Variants in MTA3 observed in about 807,000 individuals in gnomAD.
The protein encoded by MTA3 is metastasis associated 1 family member 3.
Under a neutral mutation model 83.5 loss-of-function variants are expected in MTA3, and 34 were observed. The observed-to-expected ratio is 0.41, with a 90% CI of 0.31 to 0.54. The LOEUF (loss-of-function observed/expected upper bound fraction) is 0.54. MTA3 is among the 20% of genes least tolerant of loss of function. The probability of loss-of-function intolerance (pLI) is 0.33; values close to 1 mark genes in which losing one functional copy is unlikely to be tolerated. For synonymous variants in MTA3, 303 were observed against 252.7 expected (o/e 1.20, Z -1.89); for missense variants, 761 against 726.4 (o/e 1.05, Z -0.55).
intron 2 of MTA3, among the ~76,000 whole-genome samples, chr2:42,517,730 T>C (rs529270622): frequency 6.6e-6 from 1 of 150,414 alleles, no homozygotes; most frequent in East Asian, 2.0e-4. Context: ...ATACACAAAT[T>C]AGCCAGGTGT....
intron 8 of MTA3, among the ~76,000 whole-genome samples, chr2:42,673,239 G>A (rs1050192916): frequency 1.3e-5 from 2 of 152,042 alleles, no homozygotes; most frequent in Admixed American, 6.6e-5. Flanking sequence ...AAAAAAGAAT[G>A]TGGTTATTAA....
At position 42,555,539 on chromosome 2, in the gene MTA3, T is replaced by C. The variant is rs571190537; in HGVS notation, c.-140-14898T>C. ...ACTTTGGGAGGCCGAGGTGGGCAGA[T>C]CACGAGGTCAGGAGATCGAGACCAT... On this transcript the variant is annotated intron_variant, in intron 2 of 17. Transcript: ENST00000405592. Among the ~76,000 whole-genome samples, 75 of 141,410 alleles carry C rather than the reference T, an allele frequency of 5.3e-4. 2 individuals are homozygous for C. The highest frequency in any genetic ancestry group is 4.7e-3 in the Admixed American group (64 of 13,724). The allele number at this position is 141,410 out of a possible 152,430, so 92.8% of individuals were successfully genotyped here.
At chr2:42,520,293 A>G (rs1426225063) in intron 2 of MTA3, among the ~76,000 whole-genome samples, 1 of 152,100 alleles carries the variant, frequency 6.6e-6, no homozygotes, top group African/African-American at 2.4e-5. Flanking sequence ...CCAATTGTCC[A>G]GAGGACCTCT....
Position 42,722,903 on chromosome 2 carries a change from A to G in MTA3, c.1627A>G (p.Lys543Glu). Reference protein sequence around the residue: ...IIGYLEIHPAKKPNVIRSTPS... With the variant: ...IIGYLEIHPAEKPNVIRSTPS... ...TCCCCCATCAGAGATCCATCCTGCA[A>G]AGAAACCTAATGTAATTCGATCTAC... is the stretch of plus-strand genomic sequence containing the variant. The change falls in exon 16 of 17, where the codon AAG becomes GAG. Residue 543 changes from lysine to glutamate, a missense_variant. By Grantham distance (56) the Lys-to-Glu change is moderately conservative. Coordinates refer to ENST00000405094, the MANE Select transcript of MTA3 (RefSeq NM_001330442.2). The G allele has an allele frequency of 1.3e-6, 2 of 1,547,082 alleles. No homozygotes were observed. Among genetic ancestry groups the G allele is most frequent in the South Asian group, 2.4e-5 (2 of 83,736 alleles).
chr2:42,655,501 C>G (rs1012513221), intron 6 of MTA3, among the ~76,000 whole-genome samples: 1 of 152,190 alleles, frequency 6.6e-6, no homozygotes, highest in African/African-American at 2.4e-5. Context: ...CTCTACTCTT[C>G]AGATTCTTAT....
intron 2 of MTA3, among the ~76,000 whole-genome samples, chr2:42,577,498 T>G (rs1388769445): frequency 6.6e-6 from 1 of 151,698 alleles, no homozygotes; most frequent in Non-Finnish European, 1.5e-5. Flanking sequence ...TTTTTTTTTT[T>G]GAGACGGATT....
At chr2:42,704,008 T>G (rs1665845796) in intron 11 of MTA3, 186 bp from the exon 12 acceptor site, 2 of 573,902 alleles carry the variant, frequency 3.5e-6, no homozygotes, top group South Asian at 4.6e-5. Flanking sequence ...TTTCATAGAC[T>G]CGTTTTATAA....
chr2:42,696,671 C>T (rs757937742), intron 10 of MTA3, among the ~76,000 whole-genome samples: 9 of 151,950 alleles, frequency 5.9e-5, no homozygotes, highest in Non-Finnish European at 1.3e-4. Flanking sequence ...TTTGGGAGGC[C>T]GAGGCAGGAG....
intron 4 of MTA3, among the ~76,000 whole-genome samples, chr2:42,638,260 A>C (rs1687375284): frequency 6.6e-6 from 1 of 152,168 alleles, no homozygotes; most frequent in Non-Finnish European, 1.5e-5. Context: ...TATTAAGCAT[A>C]TTGCATGTGT....
intron 8 of MTA3, among the ~76,000 whole-genome samples, chr2:42,663,795 T>A (rs1443751609): frequency 6.6e-6 from 1 of 152,218 alleles, no homozygotes; most frequent in Non-Finnish European, 1.5e-5. Context: ...AATACTTGCC[T>A]CTTATGCTCC....
rs747267170 is a variant in MTA3, at chr2:42,695,756, T to G, written c.892-9T>G. 3.3e-6 allele frequency: 5 copies of G among 1,533,236 alleles called. No homozygotes were observed. The highest frequency in any genetic ancestry group is 4.4e-6 in the Non-Finnish European group (5 of 1,133,924). 95.0% of individuals were successfully genotyped at this position (1,533,236 alleles called of 1,614,324 possible). A position where few individuals can be genotyped will look rare whatever the true frequency, so the allele number is the denominator to read the frequency against. On this transcript the variant is annotated splice_polypyrimidine_tract_variant and intron_variant, in intron 9 of 16. Transcript: ENST00000405094. ...ACATAGATGATAGGTTGATTTTTTT[T>G]TTTTTCAGCTTCCTTGGAAATCATT...
intron 2 of MTA3, among the ~76,000 whole-genome samples, chr2:42,534,773 CCTAA>C (rs1676141076): frequency 6.6e-6 from 1 of 152,080 alleles, no homozygotes; most frequent in Non-Finnish European, 1.5e-5. Context: ...TGCCACTGAA[CCTAA>C]CTATTAGCGT....
intron 8 of MTA3, among the ~76,000 whole-genome samples, chr2:42,674,617 T>G (rs1691162526): frequency 1.8e-5 from 2 of 108,522 alleles, no homozygotes; most frequent in African/African-American, 7.2e-5. Flanking sequence ...TTTTTTTTTT[T>G]GAGACGGAGT....
At chr2:42,495,449 A>G (rs1305917115) in intron 2 of MTA3, among the ~76,000 whole-genome samples, 1 of 152,124 alleles carries the variant, frequency 6.6e-6, no homozygotes, top group African/African-American at 2.4e-5. Flanking sequence ...TTTGCTATTT[A>G]GTGTCTACTG....
intron 2 of MTA3, among the ~76,000 whole-genome samples, chr2:42,548,859 A>AT (rs1449124929): frequency 3.0e-3 from 65 of 21,974 alleles, no homozygotes; most frequent in Middle Eastern, 0.031. Context: ...ATATATATAT[A>AT]ATATATATAT....
At chr2:42,522,664 G>T (rs7575116) in intron 2 of MTA3, among the ~76,000 whole-genome samples, 2,727 of 152,042 alleles carry the variant, frequency 0.018, 63 homozygotes, top group African/African-American at 0.062. Context: ...GAGTATGGTG[G>T]TGTGTACCTG....
intron 2 of MTA3, among the ~76,000 whole-genome samples, chr2:42,523,259 T>G (rs529358988): frequency 4.9e-4 from 74 of 152,276 alleles, no homozygotes; most frequent in African/African-American, 1.7e-3. Context: ...CCACTCTCCC[T>G]TTCTTCCTGA....
Position 42,707,825 on chromosome 2 carries a change from A to T in MTA3, c.1151-78A>T, listed in dbSNP as rs1047791913. 2.9e-6 allele frequency: 4 copies of T among 1,363,004 alleles called. No homozygotes were observed. In the African/African-American group the frequency reaches 4.4e-5, roughly 15 times the overall value. 84.4% of individuals were successfully genotyped at this position (1,363,004 alleles called of 1,614,324 possible). On this transcript the variant is annotated intron_variant, in intron 12 of 16. Coordinates refer to ENST00000405094, the MANE Select transcript of MTA3 (RefSeq NM_001330442.2). ...TAAACTAAGCATGACAAGTATTTTT[A>T]AAATGTTTGATTATTTTGTGTTGAT...
At chr2:42,718,375 G>A (rs1667176099) in intron 14 of MTA3, among the ~76,000 whole-genome samples, 1 of 151,664 alleles carries the variant, frequency 6.6e-6, no homozygotes, top group Non-Finnish European at 1.5e-5. Context: ...AGCCTCCCGA[G>A]TAGCTGGGAT....
Sources: allele counts gnomAD v4.1 joint callset (sites outside exome capture counted in the v4.1 genomes callset), GRCh38; gene constraint gnomAD v4.1.1; transcripts MANE v1.5; gene names NCBI Gene and HGNC (gene_info 2026-07-23, HGNC 2026-07-21).